EFNA2: variants seen among roughly 807,000 people sequenced by gnomAD.
The protein encoded by EFNA2 is ephrin A2.
A neutral mutation model predicts 19.7 loss-of-function variants in EFNA2; 18 were observed. The ratio of observed to expected loss-of-function variants is 0.91; its 90% CI spans 0.63 to 1.35. The LOEUF is 1.35. EFNA2 is among the 40% of genes most tolerant of loss of function. EFNA2 has a pLI of 0.00. For synonymous variants in EFNA2, 187 were observed against 137.8 expected, an observed-to-expected ratio of 1.36 and a Z score of -2.50; for missense variants, 303 against 296.0, an observed-to-expected ratio of 1.02 and a Z score of -0.17.
Position 1,300,015 on chromosome 19 carries a change from AC to A in EFNA2, c.*73del. On this transcript the variant is annotated 3_prime_UTR_variant, in exon 4 of 4. Coordinates refer to ENST00000215368, the MANE Select transcript of EFNA2 (RefSeq NM_001405.4). Reference sequence around the variant, plus strand: ...GGACCGCCTGACCTCGGCCCTCCGGACCCGGCTGCGGCCCCCGCCTCCGAGA... The same window carrying A: ...GGACCGCCTGACCTCGGCCCTCCGGACCGGCTGCGGCCCCCGCCTCCGAGA... 10 of 1,500,042 alleles carry A rather than the reference AC, an allele frequency of 6.7e-6. No individual in the cohort carries two copies. The highest frequency in any genetic ancestry group is 1.3e-5 in the South Asian group (1 of 79,386). 92.9% of individuals were successfully genotyped at this position (1,500,042 alleles called of 1,614,324 possible).
intron 1 of EFNA2, among the ~76,000 whole-genome samples, chr19:1,290,311 T>A (rs2081485512): frequency 6.6e-6 from 1 of 152,118 alleles, no homozygotes; most frequent in Non-Finnish European, 1.5e-5. Flanking sequence ...GTCTTCCCCA[T>A]CTCTGGGCAT....
chr19:1,285,232 G>T (rs749070279), upstream of EFNA2, among the ~76,000 whole-genome samples: 9 of 152,216 alleles, frequency 5.9e-5, no homozygotes, highest in Non-Finnish European at 1.3e-4. The surrounding 1 kb of genome is among the most constrained non-coding windows in gnomAD (Gnocchi z 4.1). Flanking sequence ...GCCCTCCCCT[G>T]CCTGCAGGAT....
chr19:1,285,591 A>T (rs2081459465), upstream of EFNA2, among the ~76,000 whole-genome samples: 1 of 151,966 alleles, frequency 6.6e-6, no homozygotes, highest in African/African-American at 2.4e-5. The surrounding 1 kb of genome is among the most constrained non-coding windows in gnomAD (Gnocchi z 4.1). Context: ...GGCAGGTGAG[A>T]GGCCCGGGAC....
At chr19:1,284,362 G>A (rs1214551276), upstream of EFNA2, among the ~76,000 whole-genome samples, 3 of 152,248 alleles carry the variant, frequency 2.0e-5, no homozygotes, top group African/African-American at 4.8e-5. This position sits in a 1 kb window ranked among gnomAD's most constrained non-coding sequence, Gnocchi z 5.3. Flanking sequence ...GACCTGGGAC[G>A]TCTGTAGTGG....
chr19:1,292,535 G>T (rs951114281), intron 1 of EFNA2, among the ~76,000 whole-genome samples: 1 of 152,216 alleles, frequency 6.6e-6, no homozygotes, highest in Non-Finnish European at 1.5e-5. Context: ...TGTGATATGG[G>T]GCGGGGCACA....
In EFNA2 at chr19:1,296,513, C is replaced by T. The variant is rs992484521; in HGVS notation, c.454+655C>T. Among the ~76,000 whole-genome samples, 4 of 152,148 alleles carry T rather than the reference C, an allele frequency of 2.6e-5. No homozygotes were observed. Among genetic ancestry groups the T allele is most frequent in the Non-Finnish European group, 4.4e-5 (3 of 68,016 alleles). ...CCTTCTCTCTACAAAAACATAAAAA[C>T]AATTAGCCAGGTGTGGTGGCATGGG... On this transcript the variant is annotated intron_variant, in intron 2 of 3. Transcript: ENST00000215368. The surrounding 1 kb of genome is among the most constrained non-coding windows in gnomAD (Gnocchi z 4.4).
At chr19:1,299,354 G>A (rs1293944789) in intron 3 of EFNA2, among the ~76,000 whole-genome samples, 1 of 152,136 alleles carries the variant, frequency 6.6e-6, no homozygotes, top group Non-Finnish European at 1.5e-5. Flanking sequence ...GTCAAGAGAT[G>A]GAGACCGTCC....
At position 1,287,243 on chromosome 19, in the gene EFNA2, C is replaced by T. The variant is rs1382422968; in HGVS notation, c.140+935C>T. 6.6e-6 allele frequency among the ~76,000 whole-genome samples: 1 copy of T among 152,190 alleles called. No individual in the cohort carries two copies. Among genetic ancestry groups the T allele is most frequent in the Non-Finnish European group, 1.5e-5 (1 of 68,026 alleles). ...CATCCCAGGGTCTCCAAGACAGGAG[C>T]AGGCTGCAGCTTCCCTGGGGGTCCC... On this transcript the variant is annotated intron_variant, in intron 1 of 3. Transcript: ENST00000215368. The surrounding 1 kb of genome is among the most constrained non-coding windows in gnomAD (Gnocchi z 6.2).
At chr19:1,291,993 T>G (rs555269490) in intron 1 of EFNA2, among the ~76,000 whole-genome samples, 1 of 152,324 alleles carries the variant, frequency 6.6e-6, no homozygotes, top group Admixed American at 6.5e-5. Flanking sequence ...CTGCCACCGC[T>G]GCTCTGTCTG....
rs992934060 is a variant in EFNA2 at position 1,294,738 on chromosome 19, G to A, written c.141-807G>A. 1.4e-4 allele frequency among the ~76,000 whole-genome samples: 22 copies of A among 151,898 alleles called. 1 individual carries two copies. The highest frequency in any genetic ancestry group is 3.2e-4 in the Non-Finnish European group (22 of 67,974). ...GGAGGGATTCTTCACGCCAAGCTCC[G>A]TTCTCTTTGGGGAAACTGAGGCCAG... On this transcript the variant is annotated intron_variant, in intron 1 of 3. Coordinates refer to ENST00000215368, the MANE Select transcript of EFNA2 (RefSeq NM_001405.4). This position sits in a 1 kb window ranked among gnomAD's most constrained non-coding sequence, Gnocchi z 5.8.
rs986141998 is a variant in EFNA2, at chr19:1,294,804, G to A, written c.141-741G>A. Reference sequence around the variant, plus strand: ...TGCCCCAGAGCGAGCTGGAATGCCCGACCTGTGTCCCCCACGCTGCCCCGG... The same window carrying A: ...TGCCCCAGAGCGAGCTGGAATGCCCAACCTGTGTCCCCCACGCTGCCCCGG... On this transcript the variant is annotated intron_variant, in intron 1 of 3. Coordinates refer to ENST00000215368, the MANE Select transcript of EFNA2 (RefSeq NM_001405.4). The surrounding 1 kb of genome is among the most constrained non-coding windows in gnomAD (Gnocchi z 5.8). Among the ~76,000 whole-genome samples the A allele has an allele frequency of 6.6e-6, 1 of 151,728 alleles. No homozygotes were observed. The highest frequency in any genetic ancestry group is 1.5e-5 in the Non-Finnish European group (1 of 67,912).
rs1295014652 is a variant in EFNA2 at position 1,295,369 on chromosome 19, C to G, written c.141-176C>G. Reference sequence around the variant, plus strand: ...GTGCCCCATGCACCTGTCCCCTGACCCTGTCCCCCCTGGCGCACCCTGACC... The same window carrying G: ...GTGCCCCATGCACCTGTCCCCTGACGCTGTCCCCCCTGGCGCACCCTGACC... On this transcript the variant is annotated intron_variant, in intron 1 of 3. Coordinates refer to ENST00000215368, the MANE Select transcript of EFNA2 (RefSeq NM_001405.4). This position sits in a 1 kb window ranked among gnomAD's most constrained non-coding sequence, Gnocchi z 5.8. Among the ~76,000 whole-genome samples, 1 of 151,234 alleles carries G rather than the reference C, an allele frequency of 6.6e-6. No individual in the cohort carries two copies. Among genetic ancestry groups the G allele is most frequent in the Admixed American group, 6.6e-5 (1 of 15,220 alleles).
At chr19:1,299,802 G>A (rs952101740) in intron 3 of EFNA2, 22 bp from the exon 4 acceptor site, 12 of 1,587,460 alleles carry the variant, frequency 7.6e-6, no homozygotes, top group Non-Finnish European at 1.0e-5. Context: ...GCCGCTGAGC[G>A]TGCTGTCTCT....
upstream of EFNA2, among the ~76,000 whole-genome samples, chr19:1,285,221 G>C (rs76159405): frequency 7.2e-5 from 11 of 152,298 alleles, no homozygotes; most frequent in African/African-American, 2.6e-4. This position sits in a 1 kb window ranked among gnomAD's most constrained non-coding sequence, Gnocchi z 4.1. Context: ...CCCGGGCAGC[G>C]GCCCTCCCCT....
At chr19:1,289,599 C>G (rs550427510) in intron 1 of EFNA2, among the ~76,000 whole-genome samples, 142 of 152,338 alleles carry the variant, frequency 9.3e-4, no homozygotes, top group African/African-American at 3.2e-3. Context: ...GATTGGAAAT[C>G]TGCAGCCTTG....
In EFNA2 at chr19:1,296,666, C is replaced by T. The variant is rs930120462; in HGVS notation, c.454+808C>T. Reference sequence around the variant, plus strand: ...CCTGTCTTTAAAAGAAGAAAAAAACCCCACAGGGCCCCTGCCGCACCAGCC... The same window carrying T: ...CCTGTCTTTAAAAGAAGAAAAAAACTCCACAGGGCCCCTGCCGCACCAGCC... On this transcript the variant is annotated intron_variant, in intron 2 of 3. Coordinates refer to ENST00000215368, the MANE Select transcript of EFNA2 (RefSeq NM_001405.4). The surrounding 1 kb of genome is among the most constrained non-coding windows in gnomAD (Gnocchi z 4.4). Among the ~76,000 whole-genome samples the T allele has an allele frequency of 3.9e-5, 6 of 152,250 alleles. No homozygotes were observed. The highest frequency in any genetic ancestry group is 2.0e-4 in the Admixed American group (3 of 15,292).
At position 1,295,603 on chromosome 19, in the gene EFNA2, G is replaced by A. The variant is rs1317168653; in HGVS notation, c.199G>A (p.Asp67Asn). ...GGYTVEVSIN[D>N]YLDIYCPHYG... The stretch of plus-strand genomic sequence containing the variant: ...CTACACGGTGGAGGTGAGCATCAAT[G>A]ACTACCTGGACATCTACTGCCCGCA... The change falls in exon 2 of 4, where the codon GAC becomes AAC. Residue 67 changes from aspartate (D) to asparagine (N), a missense_variant. Asp to Asn is a conservative substitution (Grantham distance 23). Coordinates refer to ENST00000215368, the MANE Select transcript of EFNA2 (RefSeq NM_001405.4). The surrounding 1 kb of genome is among the most constrained non-coding windows in gnomAD (Gnocchi z 5.8). 2 of 1,611,028 alleles carry A rather than the reference G, an allele frequency of 1.2e-6. No individual in the cohort carries two copies. The highest frequency in any genetic ancestry group is 8.5e-7 in the Non-Finnish European group (1 of 1,179,230).
Position 1,286,507 on chromosome 19 carries a change from T to C in EFNA2, c.140+199T>C, listed in dbSNP as rs1333115666. Reference sequence around the variant, plus strand: ...GGGACTCGCCCTTTTCGCGCCTGCCTTCCCCGGGGCGCCCCATTGCCCTAC... The same window carrying C: ...GGGACTCGCCCTTTTCGCGCCTGCCCTCCCCGGGGCGCCCCATTGCCCTAC... On this transcript the variant is annotated intron_variant, in intron 1 of 3. Transcript: ENST00000215368. This position sits in a 1 kb window ranked among gnomAD's most constrained non-coding sequence, Gnocchi z 5.6. Among the ~76,000 whole-genome samples the C allele has an allele frequency of 6.6e-6, 1 of 151,718 alleles. No homozygotes were observed. Among genetic ancestry groups the C allele is most frequent in the East Asian group, 2.0e-4 (1 of 5,122 alleles).
At chr19:1,298,794 G>T (rs1300937796) in intron 3 of EFNA2, among the ~76,000 whole-genome samples, 178 bp downstream of exon 3, 4 of 152,216 alleles carry the variant, frequency 2.6e-5, no homozygotes, top group African/African-American at 9.7e-5. Flanking sequence ...CGAGAGTGAA[G>T]GTTAGCTGAG....
Sources: gnomAD v4.1 joint callset for allele counts (sites outside exome capture counted in the v4.1 genomes callset) on GRCh38, gnomAD v4.1.1 for gene constraint, Gnocchi (gnomAD v3.1) non-coding constraint, MANE v1.5 for transcripts, NCBI Gene and HGNC (gene_info 2026-07-23, HGNC 2026-07-21) for gene names.